NEB: variants seen among roughly 807,000 people sequenced by gnomAD.
NEB encodes nemaline myopathy type 2.
Under a neutral mutation model 952.2 loss-of-function variants are expected in NEB, and 512 were observed. The ratio of observed to expected loss-of-function variants is 0.54; its 90% CI spans 0.50 to 0.58. The LOEUF is 0.58. Ranked by LOEUF, NEB falls within the 20% of genes least tolerant of loss-of-function variation. The pLI is 0.00. For synonymous variants in NEB, 2,900 were observed against 3,149.8 expected (o/e 0.92, Z 2.66); for missense variants, 8,428 against 9,231.1 (o/e 0.91, Z 3.56).
In NEB at chr2:151,565,044, A is replaced by T; in HGVS notation, c.18471T>A (p.Thr6157=). 1 of 1,527,130 alleles carries T rather than the reference A, an allele frequency of 6.5e-7. No individual in the cohort carries two copies. Among genetic ancestry groups the T allele is most frequent in the Non-Finnish European group, 9.0e-7 (1 of 1,108,430 alleles). The allele number at this position is 1,527,130 out of a possible 1,614,324, so 94.6% of individuals were successfully genotyped here. Residue 6157 remains threonine, a splice_region_variant and synonymous_variant, in exon 117 of 182, where the codon ACT becomes ACA. Coordinates refer to ENST00000397345, the MANE Select transcript of NEB (RefSeq NM_001164508.2). ...HSKDMGKLYS[T]ILYKGAWEGT... is the part of the protein sequence containing the mutation. ...GGTTATTACATAAAAGAGAACTTAC[A>T]GTACTGTAGAGTTTTCCCATGTCTT...
At position 151,563,798 on chromosome 2, in the gene NEB, TAGGAG is replaced by T. The variant is rs1559975573; in HGVS notation, c.18579+20_18579+24del. On this transcript the variant is annotated intron_variant, in intron 118 of 181. Transcript: ENST00000397345. ...GATCCCCAGTAAAGACTCTCAAACT[TAGGAG>T]AGGAAAAGGTCATACTGACCTCACT... The T allele has an allele frequency of 6.2e-7, 1 of 1,611,470 alleles. No homozygotes were observed. The highest frequency in any genetic ancestry group is 8.5e-7 in the Non-Finnish European group (1 of 1,177,804).
In NEB at chr2:151,643,907, C is replaced by A; in HGVS notation, c.7867G>T (p.Asp2623Tyr). The A allele has an allele frequency of 6.2e-7, 1 of 1,613,940 alleles. No homozygotes were observed. Among genetic ancestry groups the A allele is most frequent in the Non-Finnish European group, 8.5e-7 (1 of 1,179,832 alleles). ...KKCQTLVSDV[D>Y]YKNYLHQWTC... ...CACTGGTGCAGGTAGTTCTTGTAGT[C>A]CACGTCGCTGACTAAGGTCTGGCAC... Residue 2623 changes from aspartate (D) to tyrosine (Y), a missense_variant, in exon 57 of 182, where the codon GAC becomes TAC. By Grantham distance (160) the Asp-to-Tyr change is radical (BLOSUM62 -3). Coordinates refer to ENST00000397345, the MANE Select transcript of NEB (RefSeq NM_001164508.2).
rs537211383 is a variant in NEB at position 151,692,684 on chromosome 2, G to A, written c.1897-322C>T. Among the ~76,000 whole-genome samples, 26 of 152,166 alleles carry A rather than the reference G, an allele frequency of 1.7e-4. No homozygotes were observed. The South Asian group carries it at 4.8e-3, about 28-fold the overall frequency. ...TTTGAATATGTTTAAAGAAAAATGA[G>A]TTTCGCTAGGTGCAGGGGCTCACAC... On this transcript the variant is annotated intron_variant, in intron 20 of 181. Coordinates refer to ENST00000397345, the MANE Select transcript of NEB (RefSeq NM_001164508.2).
rs776453091 is a variant in NEB at position 151,490,091 on chromosome 2, G to T, written c.25298-14C>A. The stretch of plus-strand genomic sequence containing the variant: ...CATGTTTGTAAGCTGAAAAAAAGGG[G>T]GCAAATTCTTTATAAGAAGAAAAAT... On this transcript the variant is annotated splice_polypyrimidine_tract_variant and intron_variant, in intron 180 of 181. Coordinates refer to ENST00000397345, the MANE Select transcript of NEB (RefSeq NM_001164508.2). The T allele has an allele frequency of 8.9e-6, 14 of 1,577,386 alleles. No individual in the cohort carries two copies. The East Asian group carries it at 3.1e-4, about 35-fold the overall frequency.
chr2:151,529,621 C>T (rs541582490), intron 145 of NEB, among the ~76,000 whole-genome samples: 42 of 152,036 alleles, frequency 2.8e-4, no homozygotes, highest in Middle Eastern at 3.4e-3. Context: ...ACCTCCGCCT[C>T]CCAGGTTCAA....
chr2:151,562,620 G>T lies in NEB; in HGVS notation c.18882C>A (p.Ile6294=). 6.4e-7 allele frequency: 1 copy of T among 1,572,696 alleles called. No individual in the cohort carries two copies. The highest frequency in any genetic ancestry group is 1.2e-5 in the South Asian group (1 of 85,828). Residue 6294 remains isoleucine (I), a synonymous_variant, in exon 120 of 182, where the codon ATC becomes ATA. Transcript: ENST00000397345. ...AGAAGGGACATCATACATCACTCAAGATCTCCTGGGCGTTTCGGACGCGTA... is the reference window on the plus strand; with the variant it reads ...AGAAGGGACATCATACATCACTCAATATCTCCTGGGCGTTTCGGACGCGTA... ...NVIRVRNAQE[I]LSDNVYKDDL...
chr2:151,508,132 A>G lies in NEB; in HGVS notation c.23347-23T>C, dbSNP rs1194877177. 6.5e-6 allele frequency: 10 copies of G among 1,535,960 alleles called. No homozygotes were observed. The Admixed American group carries it at 7.2e-5, about 11-fold the overall frequency. ...TTTCTGGGAATAGATTCCAAGAAAT[A>G]AGGAGGGTAAACACCACAGGGATAT... On this transcript the variant is annotated intron_variant, in intron 161 of 181. Coordinates refer to ENST00000397345, the MANE Select transcript of NEB (RefSeq NM_001164508.2).
At position 151,627,872 on chromosome 2, in the gene NEB, T is replaced by C. The variant is rs375112781; in HGVS notation, c.9832-38A>G. 2.3e-5 allele frequency: 36 copies of C among 1,590,396 alleles called. No homozygotes were observed. The Middle Eastern group carries it at 5.0e-4, about 22-fold the overall frequency. On this transcript the variant is annotated intron_variant, in intron 68 of 181. Coordinates refer to ENST00000397345, the MANE Select transcript of NEB (RefSeq NM_001164508.2). ...TGGTCATTTCAAAAATAAAAATGAA[T>C]AGAAAGGCTTAGAAGCCTCATTAAT...
chr2:151,663,683 G>A lies in NEB; in HGVS notation c.5628C>T (p.Leu1876=), dbSNP rs771407375. The A allele has an allele frequency of 2.5e-6, 4 of 1,613,762 alleles. No homozygotes were observed. The highest frequency in any genetic ancestry group is 3.3e-5 in the Admixed American group (2 of 59,988). Residue 1876 remains leucine, a synonymous_variant, in exon 45 of 182, where the codon CTC becomes CTT. Transcript: ENST00000397345. ...GAGACTTCTTGGCTGCCACCACACTGAGCATGTCCACCGGGGTGTGGAAGG... is the reference window on the plus strand; with the variant it reads ...GAGACTTCTTGGCTGCCACCACACTAAGCATGTCCACCGGGGTGTGGAAGG... The part of the protein sequence containing the change: ...KTSFHTPVDM[L]SVVAAKKSQE...
chr2:151,641,541 G>C (rs964796003), intron 60 of NEB, among the ~76,000 whole-genome samples: 5 of 152,146 alleles, frequency 3.3e-5, no homozygotes, highest in South Asian at 2.1e-4. Flanking sequence ...ATGTTGACCA[G>C]GCTGGTCTCA....
At chr2:151,636,567 G>A (rs2098766798) in intron 63 of NEB, among the ~76,000 whole-genome samples, 2 of 152,098 alleles carry the variant, frequency 1.3e-5, no homozygotes, top group South Asian at 4.1e-4. Flanking sequence ...ATCACCTGAG[G>A]TCAGGAGTTC....
In NEB at chr2:151,654,029, AC is replaced by A; in HGVS notation, c.6877del (p.Val2293TyrfsTer3). On this transcript the variant is annotated frameshift_variant, in exon 52 of 182. Transcript: ENST00000397345. LOFTEE classifies it high-confidence loss of function. Reference protein sequence around the residue: ...GYDLPVDAISVQLAKASRDIA... With the variant: ...GYDLPVDAISXQLAKASRDIA... ...GTCTCTTGAAGCTTTAGCTAGCTGT[AC>A]AGAAATTGCATCAACTGGGAGATCA... 6.2e-7 allele frequency: 1 copy of A among 1,612,810 alleles called. No individual in the cohort carries two copies. The highest frequency in any genetic ancestry group is 8.5e-7 in the Non-Finnish European group (1 of 1,179,162).
At chr2:151,563,491 C>T (rs867188139) in intron 119 of NEB, 115 bp downstream of exon 119, 4 of 872,196 alleles carry the variant, frequency 4.6e-6, no homozygotes, top group Non-Finnish European at 7.6e-6. Flanking sequence ...TCAGGAAGGA[C>T]CCTACGCTAC....
chr2:151,500,172 ATT>A (rs1477469747), intron 168 of NEB, among the ~76,000 whole-genome samples: 1 of 152,220 alleles, frequency 6.6e-6, no homozygotes, highest in African/African-American at 2.4e-5. Context: ...AAATTGAAGG[ATT>A]GTTAGTGAAT....
intron 34 of NEB, among the ~76,000 whole-genome samples, chr2:151,675,714 G>C (rs2099354181): frequency 6.6e-6 from 1 of 152,204 alleles, no homozygotes; most frequent in Admixed American, 6.5e-5. Flanking sequence ...TTGCCTGTGA[G>C]TTAATAGCTC....
intron 143 of NEB, among the ~76,000 whole-genome samples, 191 bp downstream of exon 143, chr2:151,533,251 G>A (rs1168485693): frequency 1.3e-5 from 2 of 152,348 alleles, no homozygotes; most frequent in African/African-American, 4.8e-5. Context: ...GTCAGATGAT[G>A]TACGGATGAC....
intron 80 of NEB, 98 bp downstream of exon 80, chr2:151,610,418 T>C: frequency 1.1e-6 from 1 of 879,154 alleles, no homozygotes; most frequent in Non-Finnish European, 1.8e-6. Flanking sequence ...GACTGGAAGG[T>C]ACATGTGGAA....
chr2:151,610,679 C>T lies in NEB; in HGVS notation c.11911-56G>A, dbSNP rs567468763. 3.2e-5 allele frequency: 51 copies of T among 1,573,044 alleles called. No homozygotes were observed. The East Asian group carries it at 7.8e-4, about 24-fold the overall frequency. ...AAGAGTGTTTGAGGAAGGTAATAGG[C>T]CAATTCCAGAAAGGAAATTGTTACG... is the stretch of plus-strand genomic sequence containing the variant. On this transcript the variant is annotated intron_variant, in intron 79 of 181. Coordinates refer to ENST00000397345, the MANE Select transcript of NEB (RefSeq NM_001164508.2).
chr2:151,639,475 A>G (rs536975021), intron 62 of NEB, 91 bp from the exon 63 acceptor site: 12 of 958,402 alleles, frequency 1.3e-5, no homozygotes, highest in Non-Finnish European at 1.6e-5. Context: ...ATAAAAAAAA[A>G]GAAAAGGTTA....
Sources: gnomAD v4.1 joint callset for allele counts (sites outside exome capture counted in the v4.1 genomes callset) on GRCh38, gnomAD v4.1.1 for gene constraint, MANE v1.5 for transcripts, NCBI Gene and HGNC (gene_info 2026-07-23, HGNC 2026-07-21) for gene names.